Variants in JARID2 observed in about 807,000 individuals in gnomAD.
JARID2 encodes the protein protein Jumonji.
JARID2 carries 21 observed loss-of-function variants against 125.6 expected under a neutral mutation model. The ratio of observed to expected loss-of-function variants is 0.17; its 90% CI spans 0.12 to 0.24. JARID2 has a LOEUF of 0.24. Ranked by LOEUF, JARID2 falls within the 10% of genes least tolerant of loss-of-function variation. JARID2 has a pLI of 1.00. For missense variants in JARID2, 1,303 were observed against 1,639.6 expected, an observed-to-expected ratio of 0.79 and a Z score of 3.55; for synonymous variants, 736 against 661.6, an observed-to-expected ratio of 1.11 and a Z score of -1.73.
At chr6:15,485,896 T>C (rs1769842037) in intron 5 of JARID2, among the ~76,000 whole-genome samples, 1 of 152,206 alleles carries the variant, frequency 6.6e-6, no homozygotes, top group Non-Finnish European at 1.5e-5. Context: ...AGGAAAGATT[T>C]GATTTCCCCT....
At chr6:15,385,785 C>A (rs1036022533) in intron 2 of JARID2, among the ~76,000 whole-genome samples, 3 of 152,120 alleles carry the variant, frequency 2.0e-5, no homozygotes, top group Non-Finnish European at 4.4e-5. Flanking sequence ...GTTCAGGGGA[C>A]TGAGAGTCTG....
intron 9 of JARID2, 59 bp from the exon 10 acceptor site, chr6:15,507,077 T>G: frequency 9.2e-6 from 10 of 1,082,530 alleles, no homozygotes; most frequent in Non-Finnish European, 1.4e-5. Context: ...TGGGTTGAAC[T>G]GTGCTCTGTG....
intron 10 of JARID2, 35 bp downstream of exon 10, chr6:15,507,289 A>G (rs1446426740): frequency 1.2e-6 from 2 of 1,602,898 alleles, no homozygotes; most frequent in African/African-American, 2.7e-5. Flanking sequence ...GTTCTTGGGG[A>G]TGTGACTGCA....
chr6:15,352,868 A>G (rs1581445617), intron 1 of JARID2, among the ~76,000 whole-genome samples: 1 of 152,248 alleles, frequency 6.6e-6, no homozygotes, highest in Admixed American at 6.5e-5. Context: ...GCAAAGGGCT[A>G]TTGAGACATC....
In JARID2 at chr6:15,283,177, A is replaced by G. The variant is rs1411588275; in HGVS notation, c.45+36593A>G. On this transcript the variant is annotated intron_variant, in intron 1 of 17. Coordinates refer to ENST00000341776, the MANE Select transcript of JARID2 (RefSeq NM_004973.4). Reference sequence around the variant, plus strand: ...GTATTTTTATTAGAGACGGGGTTTCACCGTGTTAGCCAGGACGGTCTCGAT... The same window carrying G: ...GTATTTTTATTAGAGACGGGGTTTCGCCGTGTTAGCCAGGACGGTCTCGAT... 3.4e-5 allele frequency among the ~76,000 whole-genome samples: 5 copies of G among 146,412 alleles called. No individual in the cohort carries two copies. The East Asian group carries it at 6.3e-4, about 18-fold the overall frequency.
chr6:15,346,452 C>T (rs1046548302), intron 1 of JARID2, among the ~76,000 whole-genome samples: 1 of 152,168 alleles, frequency 6.6e-6, no homozygotes, highest in African/African-American at 2.4e-5. Context: ...GTTTGCTTGG[C>T]TTTCTCAGAT....
chr6:15,476,607 G>T (rs1769352779), intron 5 of JARID2, among the ~76,000 whole-genome samples: 1 of 152,218 alleles, frequency 6.6e-6, no homozygotes, highest in Non-Finnish European at 1.5e-5. Flanking sequence ...AATCTGAAAT[G>T]ATTTGGACAG....
chr6:15,460,693 T>A (rs1168326374), intron 4 of JARID2, among the ~76,000 whole-genome samples: 2 of 151,958 alleles, frequency 1.3e-5, no homozygotes, highest in Non-Finnish European at 2.9e-5. Context: ...GTTGTTGTTG[T>A]TGTTGTTGTT....
rs117309220 is a variant in JARID2 at position 15,463,136 on chromosome 6, T to G, written c.494-5406T>G. 1.9e-3 allele frequency among the ~76,000 whole-genome samples: 286 copies of G among 152,278 alleles called. 5 individuals carry two copies. In the East Asian group the frequency reaches 0.053, roughly 28 times the overall value. ...TCGGGAGAGAAAATCTGCCTGTAAT[T>G]TTAATAGGAAACTGTCTATATTGAC... On this transcript the variant is annotated intron_variant, in intron 4 of 17. Transcript: ENST00000341776.
In JARID2 at chr6:15,401,081, TTTG is replaced by T. The variant is rs1765413416; in HGVS notation, c.182-9139_182-9137del. ...AGATTTGTTTCAGGCTGGTATGGCTTTTGTTGGAGAAATAGGCCTTTGTGGGTT... is the reference window on the plus strand; with the variant it reads ...AGATTTGTTTCAGGCTGGTATGGCTTTTGGAGAAATAGGCCTTTGTGGGTT... On this transcript the variant is annotated intron_variant, in intron 2 of 17. Transcript: ENST00000341776. The T allele has an allele frequency of 2.3e-6, 3 of 1,288,814 alleles. No homozygotes were observed. In the African/African-American group the frequency reaches 4.6e-5, roughly 20 times the overall value. 79.8% of individuals were successfully genotyped at this position (1,288,814 alleles called of 1,614,324 possible).
intron 9 of JARID2, among the ~76,000 whole-genome samples, chr6:15,506,454 A>G (rs1000866231): frequency 6.6e-5 from 10 of 152,220 alleles, no homozygotes; most frequent in Non-Finnish European, 1.3e-4. Flanking sequence ...GTGGAGCTTA[A>G]CTGGACCCTA....
rs568310596 is a variant in JARID2, at chr6:15,415,961, A to C, written c.323+5596A>C. Among the ~76,000 whole-genome samples, 13 of 140,338 alleles carry C rather than the reference A, an allele frequency of 9.3e-5. No individual in the cohort carries two copies. In the East Asian group the frequency reaches 3.0e-3, roughly 32 times the overall value. 92.1% of individuals were successfully genotyped at this position (140,338 alleles called of 152,430 possible). A position where few individuals can be genotyped will look rare whatever the true frequency, so the allele number is the denominator to read the frequency against. On this transcript the variant is annotated intron_variant, in intron 3 of 17. Transcript: ENST00000341776. ...TGGCTGCCGGGCGGAGGGTCTCCTCACTTCTCAGACAGGGCGGCTGGGCAG... is the reference window on the plus strand; with the variant it reads ...TGGCTGCCGGGCGGAGGGTCTCCTCCCTTCTCAGACAGGGCGGCTGGGCAG...
At chr6:15,302,330 C>T (rs943877080) in intron 1 of JARID2, among the ~76,000 whole-genome samples, 7 of 152,020 alleles carry the variant, frequency 4.6e-5, no homozygotes, top group East Asian at 1.9e-4. Flanking sequence ...ACAGGAGAAT[C>T]GCCTGAACCT....
chr6:15,282,024 A>G (rs1383215810), intron 1 of JARID2, among the ~76,000 whole-genome samples: 1 of 151,526 alleles, frequency 6.6e-6, no homozygotes, highest in Non-Finnish European at 1.5e-5. Flanking sequence ...ATCTCAGCGA[A>G]CTGTAACCTT....
chr6:15,431,129 C>T (rs531802346), intron 3 of JARID2, among the ~76,000 whole-genome samples: 1 of 152,246 alleles, frequency 6.6e-6, no homozygotes, highest in African/African-American at 2.4e-5. Flanking sequence ...ACTGCCTTTG[C>T]CATAATTTCT....
At chr6:15,431,850 T>C (rs1766979505) in intron 3 of JARID2, among the ~76,000 whole-genome samples, 1 of 152,138 alleles carries the variant, frequency 6.6e-6, no homozygotes, top group Non-Finnish European at 1.5e-5. Flanking sequence ...TCTGTTGAAA[T>C]CCTCTTAAGC....
intron 1 of JARID2, among the ~76,000 whole-genome samples, chr6:15,257,509 A>C (rs777081104): frequency 6.6e-6 from 1 of 152,054 alleles, no homozygotes; most frequent in Non-Finnish European, 1.5e-5. Context: ...AGTTACCACT[A>C]TTTTCTTGAC....
chr6:15,266,848 CAG>C (rs1760104059), intron 1 of JARID2, among the ~76,000 whole-genome samples: 1 of 152,202 alleles, frequency 6.6e-6, no homozygotes, highest in African/African-American at 2.4e-5. Context: ...TAATAACAAT[CAG>C]GGCGCCAGCT....
intron 3 of JARID2, among the ~76,000 whole-genome samples, chr6:15,416,218 C>A (rs1033540961): frequency 2.7e-5 from 4 of 150,404 alleles, no homozygotes; most frequent in Non-Finnish European, 5.9e-5. Flanking sequence ...GTAGCCAGGC[C>A]GAGGGGCTCC....
Sources: allele counts gnomAD v4.1 joint callset (sites outside exome capture counted in the v4.1 genomes callset), GRCh38; gene constraint gnomAD v4.1.1; transcripts MANE v1.5; gene names NCBI Gene and HGNC (gene_info 2026-07-23, HGNC 2026-07-21).